The following UNC5D variants were observed in gnomAD, a reference collection of about 807,000 sequenced individuals.
UNC5D encodes netrin receptor UNC5D.
UNC5D carries 39 observed loss-of-function variants against 105.4 expected under a neutral mutation model. The observed-to-expected ratio is 0.37, with a 90% CI of 0.29 to 0.48. UNC5D has a LOEUF of 0.48. UNC5D is among the 20% of genes least tolerant of loss of function. The pLI, the probability that UNC5D is intolerant of heterozygous loss-of-function variation, is 0.98. For synonymous variants in UNC5D, 452 were observed against 450.4 expected, an observed-to-expected ratio of 1.00 and a Z score of -0.04; for missense variants, 991 against 1,202.4, an observed-to-expected ratio of 0.82 and a Z score of 2.60.
intron 1 of UNC5D, among the ~76,000 whole-genome samples, chr8:35,236,387 C>T (rs1358523605): frequency 1.3e-5 from 1 of 75,630 alleles, no homozygotes; most frequent in African/African-American, 5.0e-5. Flanking sequence ...TCCCTTCGCT[C>T]TGCGCCTAGC....
intron 15 of UNC5D, among the ~76,000 whole-genome samples, chr8:35,773,295 A>G (rs1802091388): frequency 6.6e-6 from 1 of 152,208 alleles, no homozygotes; most frequent in Non-Finnish European, 1.5e-5. Flanking sequence ...GGACAGCTTT[A>G]AACCAGAAGC....
At chr8:35,290,903 G>A (rs566134083) in intron 1 of UNC5D, among the ~76,000 whole-genome samples, 8 of 149,908 alleles carry the variant, frequency 5.3e-5, no homozygotes, top group African/African-American at 1.7e-4. Flanking sequence ...AGCTGAGATC[G>A]TGTCATTGCA....
chr8:35,260,000 A>G (rs543972689), intron 1 of UNC5D, among the ~76,000 whole-genome samples: 2 of 152,300 alleles, frequency 1.3e-5, no homozygotes, highest in African/African-American at 4.8e-5. Flanking sequence ...ACAAATAAAA[A>G]AGTGTCTCTG....
chr8:35,567,071 G>A (rs1374110311), intron 2 of UNC5D, among the ~76,000 whole-genome samples: 28 of 148,486 alleles, frequency 1.9e-4, no homozygotes, highest in Admixed American at 3.3e-4. Flanking sequence ...AGGATGTAAA[G>A]TAACAAAAAA....
chr8:35,374,894 G>A (rs774422292), intron 1 of UNC5D, among the ~76,000 whole-genome samples: 4 of 152,184 alleles, frequency 2.6e-5, no homozygotes, highest in Non-Finnish European at 4.4e-5. Context: ...GTTTTAATTA[G>A]CAGATCAAAT....
intron 1 of UNC5D, among the ~76,000 whole-genome samples, chr8:35,455,281 CTTT>C (rs55848948): frequency 2.1e-5 from 3 of 142,160 alleles, no homozygotes. Context: ...GGAATGGATA[CTTT>C]TTTTTTTTTT....
At chr8:35,294,395 C>G (rs987530514) in intron 1 of UNC5D, among the ~76,000 whole-genome samples, 1 of 151,874 alleles carries the variant, frequency 6.6e-6, no homozygotes, top group African/African-American at 2.4e-5. Flanking sequence ...TATCTGCTGC[C>G]TCTTAGTTGG....
intron 1 of UNC5D, among the ~76,000 whole-genome samples, chr8:35,289,950 A>G (rs1469288315): frequency 6.6e-6 from 1 of 152,116 alleles, no homozygotes; most frequent in Non-Finnish European, 1.5e-5. Context: ...TGAAACAAAA[A>G]ATGAAAAATA....
chr8:35,611,010 CAAAAAAAAAA>C (rs11314770), intron 4 of UNC5D, among the ~76,000 whole-genome samples: 4 of 60,100 alleles, frequency 6.7e-5, no homozygotes, highest in Admixed American at 2.0e-4. Flanking sequence ...GACAAAGAAG[CAAAAAAAAAA>C]AAAAAAAAAA....
At chr8:35,419,656 A>C (rs1486118425) in intron 1 of UNC5D, among the ~76,000 whole-genome samples, 2 of 152,064 alleles carry the variant, frequency 1.3e-5, no homozygotes, top group Non-Finnish European at 2.9e-5. Context: ...CGTTCGTGTT[A>C]TGGCTTGTTC....
intron 3 of UNC5D, among the ~76,000 whole-genome samples, chr8:35,581,019 C>T (rs1818443550): frequency 6.6e-6 from 1 of 152,136 alleles, no homozygotes; most frequent in Non-Finnish European, 1.5e-5. Context: ...CAGAGTGACT[C>T]CTGATACCGG....
At chr8:35,294,064 C>T (rs986110296) in intron 1 of UNC5D, among the ~76,000 whole-genome samples, 4 of 152,112 alleles carry the variant, frequency 2.6e-5, no homozygotes. Flanking sequence ...GAAATAAATC[C>T]AAGAGGATTT....
At chr8:35,744,914 A>C (rs546900722) in intron 11 of UNC5D, among the ~76,000 whole-genome samples, 5 of 152,180 alleles carry the variant, frequency 3.3e-5, no homozygotes, top group Non-Finnish European at 5.9e-5. Flanking sequence ...TTAGCCGGGC[A>C]TGGTAGTATG....
At chr8:35,671,586 A>G (rs1824808719) in intron 4 of UNC5D, among the ~76,000 whole-genome samples, 1 of 152,224 alleles carries the variant, frequency 6.6e-6, no homozygotes, top group Admixed American at 6.5e-5. Context: ...CCTGTCTAAA[A>G]TTTAAAAGCA....
intron 1 of UNC5D, among the ~76,000 whole-genome samples, chr8:35,244,362 TCA>T (rs1802964132): frequency 6.6e-6 from 1 of 152,146 alleles, no homozygotes; most frequent in African/African-American, 2.4e-5. Flanking sequence ...AGCACTTCAC[TCA>T]TAGTCCATTT....
chr8:35,306,751 T>G (rs936031841), intron 1 of UNC5D, among the ~76,000 whole-genome samples: 1 of 152,128 alleles, frequency 6.6e-6, no homozygotes, highest in African/African-American at 2.4e-5. Flanking sequence ...TCATATGGAG[T>G]ATCTGCTTAA....
chr8:35,737,490 GA>G lies in UNC5D; in HGVS notation c.1766+6404del, dbSNP rs377113440. 5.1e-3 allele frequency among the ~76,000 whole-genome samples: 743 copies of G among 146,590 alleles called. 3 individuals carry two copies. The highest frequency in any genetic ancestry group is 0.012 in the African/African-American group (500 of 40,008). On this transcript the variant is annotated intron_variant, in intron 11 of 16. Coordinates refer to ENST00000404895, the MANE Select transcript of UNC5D (RefSeq NM_080872.4). ...CTTTGACTTACAAGAAAAAGGGTAG[GA>G]AAAAAAAAATGACTGAAGAATTAAT...
At chr8:35,525,254 A>C (rs756721624) in intron 1 of UNC5D, 1 of 1,612,032 alleles carries the variant, frequency 6.2e-7, no homozygotes, top group South Asian at 1.1e-5. Flanking sequence ...CCACGTCTCT[A>C]AAATGTTTTT....
At chr8:35,417,541 A>G (rs1805609525) in intron 1 of UNC5D, among the ~76,000 whole-genome samples, 1 of 152,178 alleles carries the variant, frequency 6.6e-6, no homozygotes, top group African/African-American at 2.4e-5. Context: ...AGTGTGCAGA[A>G]AAGCAATATA....
Sources: gnomAD v4.1 joint callset for allele counts (sites outside exome capture counted in the v4.1 genomes callset) on GRCh38, gnomAD v4.1.1 for gene constraint, MANE v1.5 for transcripts, NCBI Gene and HGNC (gene_info 2026-07-23, HGNC 2026-07-21) for gene names.